Variants in PCDHGA2 observed in about 807,000 individuals in gnomAD.
PCDHGA2 encodes protocadherin gamma-A2.
A neutral mutation model predicts 59.2 loss-of-function variants in PCDHGA2; 40 were observed. The observed-to-expected ratio is 0.68, with a 90% confidence interval of 0.52 to 0.88. The LOEUF is 0.88. PCDHGA2 is among the 40% of genes least tolerant of loss of function. The pLI, the probability that PCDHGA2 is intolerant of heterozygous loss-of-function variation, is 0.00. For missense variants in PCDHGA2, 1,226 were observed against 1,204.0 expected, an observed-to-expected ratio of 1.02 and a Z score of -0.27; for synonymous variants, 560 against 526.0, an observed-to-expected ratio of 1.06 and a Z score of -0.89.
chr5:141,410,549 G>T, intron 1 of PCDHGA2: 1 of 1,613,438 alleles, frequency 6.2e-7, no homozygotes, highest in East Asian at 2.2e-5. Context: ...GGTTTGCAGT[G>T]TTTCTCCTGG....
At chr5:141,408,211 G>C in intron 1 of PCDHGA2, 1 of 1,554,426 alleles carries the variant, frequency 6.4e-7, no homozygotes, top group Non-Finnish European at 8.7e-7. Context: ...CGATGGGAGG[G>C]AGCTGCGCGC....
At chr5:141,362,492 C>G (rs369530205) in intron 1 of PCDHGA2, 1 of 1,613,902 alleles carries the variant, frequency 6.2e-7, no homozygotes, top group African/African-American at 1.3e-5. Flanking sequence ...GACAATGCCT[C>G]TTGGGAACAA....
rs1207162256 is a variant in PCDHGA2 at position 141,340,395 on chromosome 5, C to T, written c.1424C>T (p.Thr475Met). The change falls in exon 1 of 4, where the codon ACG becomes ATG. Residue 475 changes from threonine (T) to methionine (M), a missense_variant. Coordinates refer to ENST00000394576, the MANE Select transcript of PCDHGA2 (RefSeq NM_018915.4). ...AGAGGAGCCTCTGTCTTCTCAGTGA[C>T]GGCCCATGACCCCGACAGCAACGAC... ...NPRGASVFSVTAHDPDSNDNA... is the reference protein window; with the variant it reads ...NPRGASVFSVMAHDPDSNDNA... 6.2e-7 allele frequency: 1 copy of T among 1,614,174 alleles called. No homozygotes were observed. The highest frequency in any genetic ancestry group is 8.5e-7 in the Non-Finnish European group (1 of 1,180,028).
At position 141,489,577 on chromosome 5, in the gene PCDHGA2, C is replaced by A. The variant is rs918238376; in HGVS notation, c.2425-5230C>A. The stretch of plus-strand genomic sequence containing the variant: ...GCCAGTGCAGGTGGTGACTGAACAC[C>A]CCCTGGAGCTAATCCGTGTAGAGGT... On this transcript the variant is annotated intron_variant, in intron 1 of 3. Coordinates refer to ENST00000394576, the MANE Select transcript of PCDHGA2 (RefSeq NM_018915.4). This position sits in a 1 kb window ranked among gnomAD's most constrained non-coding sequence, Gnocchi z 4.5. The A allele has an allele frequency of 6.2e-7, 1 of 1,613,894 alleles. No individual in the cohort carries two copies. The highest frequency in any genetic ancestry group is 8.5e-7 in the Non-Finnish European group (1 of 1,180,000).
chr5:141,361,660 G>C (rs768286784), intron 1 of PCDHGA2: 22 of 1,613,628 alleles, frequency 1.4e-5, no homozygotes, highest in South Asian at 3.3e-5. Flanking sequence ...GTCCGTGAGC[G>C]CGCAGAGCGG....
Position 141,427,512 on chromosome 5 carries a change from T to A in PCDHGA2, c.2425-67295T>A, listed in dbSNP as rs1483922394. ...GCTTGTAACAGATGGGACCCTGGATTGGGAGCGGATCCCGGAGTACAACGT... is the reference window on the plus strand; with the variant it reads ...GCTTGTAACAGATGGGACCCTGGATAGGGAGCGGATCCCGGAGTACAACGT... On this transcript the variant is annotated intron_variant, in intron 1 of 3. Transcript: ENST00000394576. 1.2e-5 allele frequency: 7 copies of A among 592,748 alleles called. No homozygotes were observed. The Admixed American group carries it at 1.3e-4, about 11-fold the overall frequency. 36.7% of individuals were successfully genotyped at this position (592,748 alleles called of 1,614,324 possible). A position where few individuals can be genotyped will look rare whatever the true frequency, so the allele number is the denominator to read the frequency against.
chr5:141,346,127 C>T lies in PCDHGA2; in HGVS notation c.2424+4732C>T, dbSNP rs764043448. Reference sequence around the variant, plus strand: ...CTCTGTACCTGGTGGTGGCGGTGGCCGCGGTCTCCTGCGTCTTCCTGGCCT... The same window carrying T: ...CTCTGTACCTGGTGGTGGCGGTGGCTGCGGTCTCCTGCGTCTTCCTGGCCT... On this transcript the variant is annotated intron_variant, in intron 1 of 3. Transcript: ENST00000394576. 3.7e-6 allele frequency: 6 copies of T among 1,613,796 alleles called. No homozygotes were observed. The Admixed American group carries it at 8.3e-5, about 22-fold the overall frequency.
rs114669158 is a variant in PCDHGA2 at position 141,511,003 on chromosome 5, G to A, written c.2629G>A (p.Ala877Thr). The change falls in exon 4 of 4, where the codon GCC (alanine) becomes ACC (threonine). Residue 877 changes from alanine to threonine, a missense_variant. Physicochemically the swap from Ala to Thr is moderately conservative, Grantham distance 58 (BLOSUM62 0). Coordinates refer to ENST00000394576, the MANE Select transcript of PCDHGA2 (RefSeq NM_018915.4). Reference protein sequence around the residue: ...GGGAGTMGLSARYGPQFTLQH... With the variant: ...GGGAGTMGLSTRYGPQFTLQH... ...GGGTGCCGGCACCATGGGATTGAGCGCCCGCTACGGACCCCAGTTCACCCT... is the reference window on the plus strand; with the variant it reads ...GGGTGCCGGCACCATGGGATTGAGCACCCGCTACGGACCCCAGTTCACCCT... The A allele has an allele frequency of 1.0e-4, 163 of 1,614,148 alleles. 1 individual carries two copies. The highest frequency in any genetic ancestry group is 9.5e-5 in the Non-Finnish European group (112 of 1,180,012).
rs1317308437 is a variant in PCDHGA2, at chr5:141,418,492, A to G, written c.2425-76315A>G. The G allele has an allele frequency of 1.9e-6, 3 of 1,613,886 alleles. No homozygotes were observed. The African/African-American group carries it at 4.0e-5, about 22-fold the overall frequency. On this transcript the variant is annotated intron_variant, in intron 1 of 3. Coordinates refer to ENST00000394576, the MANE Select transcript of PCDHGA2 (RefSeq NM_018915.4). ...AAACGCAGAGCGCTCACCACTTGGT[A>G]CTGACCGCCTTAGATGGTGGGGACC... is the stretch of plus-strand genomic sequence containing the variant.
intron 1 of PCDHGA2, among the ~76,000 whole-genome samples, chr5:141,454,617 G>T (rs2098794218): frequency 6.6e-6 from 1 of 151,322 alleles, no homozygotes; most frequent in Non-Finnish European, 1.5e-5. Context: ...TGTTGGTCAG[G>T]CTGGTCTCGA....
Position 141,352,980 on chromosome 5 carries a change from C to T in PCDHGA2, c.2424+11585C>T, listed in dbSNP as rs185018793. 1.3e-3 allele frequency among the ~76,000 whole-genome samples: 196 copies of T among 152,226 alleles called. 1 individual carries two copies. Among genetic ancestry groups the T allele is most frequent in the Non-Finnish European group, 2.3e-3 (154 of 68,014 alleles). On this transcript the variant is annotated intron_variant, in intron 1 of 3. Transcript: ENST00000394576. ...TCCAGCCTGGGTGATGGGAGGGAAACTGTCTAAAAAAACAAACAAACAAAA... is the reference window on the plus strand; with the variant it reads ...TCCAGCCTGGGTGATGGGAGGGAAATTGTCTAAAAAAACAAACAAACAAAA...
At chr5:141,371,899 C>T in intron 1 of PCDHGA2, 1 of 1,613,414 alleles carries the variant, frequency 6.2e-7, no homozygotes, top group Non-Finnish European at 8.5e-7. Flanking sequence ...CGGGAGCTGT[C>T]GTCCTACGTG....
In PCDHGA2 at chr5:141,341,197, C is replaced by G; in HGVS notation, c.2226C>G (p.Gly742=). 1.2e-6 allele frequency: 2 copies of G among 1,614,190 alleles called. No homozygotes were observed. Among genetic ancestry groups the G allele is most frequent in the Non-Finnish European group, 1.7e-6 (2 of 1,180,036 alleles). Residue 742 remains glycine, a synonymous_variant, in exon 1 of 4, where the codon GGC becomes GGG. Transcript: ENST00000394576. ...LTGMQSSHFV[G]VDGVRAFLQT... is the part of the protein sequence containing the mutation. ...GCATGCAGAGCTCGCACTTTGTGGGCGTGGACGGGGTTCGGGCTTTCCTGC... is the reference window on the plus strand; with the variant it reads ...GCATGCAGAGCTCGCACTTTGTGGGGGTGGACGGGGTTCGGGCTTTCCTGC...
intron 1 of PCDHGA2, among the ~76,000 whole-genome samples, chr5:141,464,983 C>G (rs1294132264): frequency 6.6e-6 from 1 of 152,050 alleles, no homozygotes; most frequent in African/African-American, 2.4e-5. Flanking sequence ...TTCAAGTGAT[C>G]CTCCCACCTC....
At chr5:141,419,449 C>T (rs780917543) in intron 1 of PCDHGA2, 5 of 1,612,958 alleles carry the variant, frequency 3.1e-6, no homozygotes, top group Non-Finnish European at 4.2e-6. Context: ...CCTTCGAGCT[C>T]ACGCTGCAGG....
At chr5:141,470,961 C>T (rs1447105252) in intron 1 of PCDHGA2, among the ~76,000 whole-genome samples, 1 of 152,036 alleles carries the variant, frequency 6.6e-6, no homozygotes, top group Non-Finnish European at 1.5e-5. Context: ...AAGTGATCCT[C>T]CCACCTCAGC....
At chr5:141,372,044 GT>G in intron 1 of PCDHGA2, 1 of 1,613,502 alleles carries the variant, frequency 6.2e-7, no homozygotes, top group Non-Finnish European at 8.5e-7. Context: ...GCCTGCGCGT[GT>G]TGGTGGACGA....
Position 141,355,864 on chromosome 5 carries a change from C to T in PCDHGA2, c.2424+14469C>T, listed in dbSNP as rs749145164. 1 of 1,612,570 alleles carries T rather than the reference C, an allele frequency of 6.2e-7. No individual in the cohort carries two copies. Among genetic ancestry groups the T allele is most frequent in the Admixed American group, 1.7e-5 (1 of 59,822 alleles). On this transcript the variant is annotated intron_variant, in intron 1 of 3. Coordinates refer to ENST00000394576, the MANE Select transcript of PCDHGA2 (RefSeq NM_018915.4). ...GGCCTTCGATGGAGGTGACCCGGTT[C>T]GCTCTGGCACTGCCAGGATTCTCAT...
Position 141,476,075 on chromosome 5 carries a change from G to T in PCDHGA2, c.2425-18732G>T. ...TGAAAGTTTCTCAGCGAAATCTCAG[G>T]GACGATCTGGACCCCGCTGAGAGGA... On this transcript the variant is annotated intron_variant, in intron 1 of 3. Coordinates refer to ENST00000394576, the MANE Select transcript of PCDHGA2 (RefSeq NM_018915.4). This position sits in a 1 kb window ranked among gnomAD's most constrained non-coding sequence, Gnocchi z 7.6. The T allele has an allele frequency of 6.6e-7, 1 of 1,526,282 alleles. No homozygotes were observed. The highest frequency in any genetic ancestry group is 1.3e-5 in the South Asian group (1 of 78,462). The allele number at this position is 1,526,282 out of a possible 1,614,324, so 94.5% of individuals were successfully genotyped here.
Sources: gnomAD v4.1 joint callset for allele counts (sites outside exome capture counted in the v4.1 genomes callset) on GRCh38, gnomAD v4.1.1 for gene constraint, Gnocchi (gnomAD v3.1) non-coding constraint, MANE v1.5 for transcripts, NCBI Gene and HGNC (gene_info 2026-07-23, HGNC 2026-07-21) for gene names.